The following DAB1 variants were observed in gnomAD, a reference collection of about 807,000 sequenced individuals.
DAB1 encodes the protein disabled homolog 1.
A neutral mutation model predicts 64.6 loss-of-function variants in DAB1; 15 were observed. The observed-to-expected ratio is 0.23, with a 90% CI of 0.16 to 0.36. The LOEUF (loss-of-function observed/expected upper bound fraction) is 0.36, where lower values mean the gene tolerates loss of function less well. DAB1 is among the 10% of genes least tolerant of loss of function. DAB1 has a pLI of 1.00. For missense variants in DAB1, 596 were observed against 706.7 expected (o/e 0.84, Z 1.78); for synonymous variants, 235 against 251.9 (o/e 0.93, Z 0.64).
intron 14 of DAB1, among the ~76,000 whole-genome samples, chr1:57,009,620 G>T (rs758106275): frequency 1.3e-5 from 2 of 152,128 alleles, no homozygotes; most frequent in Non-Finnish European, 2.9e-5. Context: ...TAATGGTTTT[G>T]ACCATGCTGT....
intron 1 of DAB1, among the ~76,000 whole-genome samples, chr1:57,387,955 A>C (rs567736578): frequency 1.3e-5 from 2 of 150,228 alleles, no homozygotes; most frequent in African/African-American, 5.0e-5. Context: ...TCTATCTGCT[A>C]CATGCCCCTC....
chr1:57,461,773 A>G (rs1686787289), intron 7 of DAB1, among the ~76,000 whole-genome samples: 1 of 151,914 alleles, frequency 6.6e-6, no homozygotes, highest in Non-Finnish European at 1.5e-5. Context: ...TGTCGTAATT[A>G]TCTGTTAGGT....
chr1:57,654,657 AT>A (rs1162812766), intron 6 of DAB1, among the ~76,000 whole-genome samples: 1 of 152,000 alleles, frequency 6.6e-6, no homozygotes, highest in East Asian at 1.9e-4. Flanking sequence ...CTCTTCTCTC[AT>A]TTTTTCTTAA....
intron 4 of DAB1, among the ~76,000 whole-genome samples, chr1:58,260,961 T>C (rs2100417206): frequency 6.6e-6 from 1 of 152,314 alleles, no homozygotes. Context: ...TTCTCCAAAC[T>C]GGGAGTAGAG....
Position 57,439,418 on chromosome 1 carries a change from G to GTTTTTTTTTTTTGTTTTTTTTTGTTTTTT in DAB1, n.626-148253_626-148252insAAAAAACAAAAAAAAACAAAAAAAAAAAA. 4.0e-4 allele frequency among the ~76,000 whole-genome samples: 47 copies of GTTTTTTTTTTTTGTTTTTTTTTGTTTTTT among 116,162 alleles called. 4 individuals carry two copies. In the East Asian group the frequency reaches 8.8e-3, roughly 22 times the overall value. The allele number at this position is 116,162 out of a possible 152,430, so 76.2% of individuals were successfully genotyped here. A position where few individuals can be genotyped will look rare whatever the true frequency, so the allele number is the denominator to read the frequency against. On this transcript the variant is annotated intron_variant and non_coding_transcript_variant, in intron 7 of 20. Coordinates refer to the DAB1 transcript ENST00000485760. Reference sequence around the variant, plus strand: ...GCCATGCCATCAACTTGGTGATGAGGTTTTTTCTTTTTTTTTTTTTTTTTT... The same window carrying GTTTTTTTTTTTTGTTTTTTTTTGTTTTTT: ...GCCATGCCATCAACTTGGTGATGAGGTTTTTTTTTTTTGTTTTTTTTTGTTTTTTTTTTTTCTTTTTTTTTTTTTTTTTT...
At chr1:58,345,854 A>C (rs1294471743) in intron 3 of DAB1, among the ~76,000 whole-genome samples, 2 of 151,904 alleles carry the variant, frequency 1.3e-5, no homozygotes, top group Non-Finnish European at 2.9e-5. Flanking sequence ...TTCACCTCTG[A>C]CCTTAGGCTT....
At chr1:57,459,069 CTT>C (rs920237664) in intron 7 of DAB1, among the ~76,000 whole-genome samples, 1 of 151,990 alleles carries the variant, frequency 6.6e-6, no homozygotes, top group Non-Finnish European at 1.5e-5. Context: ...AAATTATAAA[CTT>C]AATTTTTCTA....
At chr1:58,470,590 G>A (rs1645346746) in intron 3 of DAB1, among the ~76,000 whole-genome samples, 1 of 152,176 alleles carries the variant, frequency 6.6e-6, no homozygotes, top group South Asian at 2.1e-4. Context: ...GATGTCTGAA[G>A]CACTGTCTCA....
At chr1:57,695,365 A>G (rs1179120695) in intron 6 of DAB1, among the ~76,000 whole-genome samples, 25 of 36,930 alleles carry the variant, frequency 6.8e-4, no homozygotes, top group African/African-American at 4.4e-3. Context: ...AAGAAAGAAG[A>G]AAGAAAGAAA....
intron 1 of DAB1, among the ~76,000 whole-genome samples, chr1:57,394,223 G>A (rs936773924): frequency 1.1e-4 from 17 of 152,318 alleles, no homozygotes; most frequent in Admixed American, 9.8e-4. Context: ...GTTGAAGTAC[G>A]TTCCCCTTCT....
intron 4 of DAB1, among the ~76,000 whole-genome samples, chr1:58,174,995 A>C (rs912049666): frequency 2.6e-5 from 4 of 152,228 alleles, no homozygotes; most frequent in African/African-American, 9.6e-5. Context: ...ACCAATCAGC[A>C]GGATGTGAGT....
chr1:58,062,905 G>A (rs1570299677), intron 5 of DAB1, among the ~76,000 whole-genome samples: 1 of 152,338 alleles, frequency 6.6e-6, no homozygotes, highest in Non-Finnish European at 1.5e-5. Flanking sequence ...ATGACTGATA[G>A]AGCTGAAAAG....
chr1:57,856,489 G>A lies in DAB1; in HGVS notation n.87+27510C>T, dbSNP rs947762769. ...ATAAAAAGTGATGATTGTGCCAGGC[G>A]CAGTGGCTCACACCTGTAATCCCAG... On this transcript the variant is annotated intron_variant and non_coding_transcript_variant, in intron 1 of 1. Transcript: ENST00000477280. Among the ~76,000 whole-genome samples, 8 of 152,144 alleles carry A rather than the reference G, an allele frequency of 5.3e-5. No individual in the cohort carries two copies. The South Asian group carries it at 6.2e-4, about 12-fold the overall frequency.
intron 5 of DAB1, among the ~76,000 whole-genome samples, chr1:57,947,590 A>G (rs1335758101): frequency 2.0e-5 from 3 of 152,180 alleles, no homozygotes; most frequent in African/African-American, 4.8e-5. Context: ...TCTCTCCCAC[A>G]TGACAAACAC....
intron 4 of DAB1, among the ~76,000 whole-genome samples, chr1:58,298,627 GCACA>G (rs1233232424): frequency 6.6e-6 from 1 of 152,232 alleles, no homozygotes; most frequent in African/African-American, 2.4e-5. Flanking sequence ...ATTTGTCACT[GCACA>G]CATGCTGGAG....
chr1:57,682,433 A>G (rs1646646917), intron 6 of DAB1, among the ~76,000 whole-genome samples: 1 of 150,496 alleles, frequency 6.6e-6, no homozygotes, highest in Non-Finnish European at 1.5e-5. Flanking sequence ...AGAACAAATT[A>G]TGGAATAAAC....
intron 1 of DAB1, among the ~76,000 whole-genome samples, chr1:57,833,420 G>C (rs969492663): frequency 1.3e-5 from 2 of 152,132 alleles, no homozygotes; most frequent in Admixed American, 6.5e-5. Flanking sequence ...CTATAAAAAA[G>C]AAAGCTCACA....
intron 6 of DAB1, among the ~76,000 whole-genome samples, chr1:57,790,377 C>T (rs1650537764): frequency 1.3e-5 from 2 of 152,174 alleles, no homozygotes; most frequent in South Asian, 4.1e-4. Context: ...TTTGCTTCCC[C>T]TTGCACCATG....
chr1:57,663,834 C>T (rs903037939), intron 6 of DAB1, among the ~76,000 whole-genome samples: 1 of 152,104 alleles, frequency 6.6e-6, no homozygotes, highest in Non-Finnish European at 1.5e-5. Context: ...TAAACAGGAA[C>T]TGAGAGAGAC....
Sources: allele counts gnomAD v4.1 joint callset (sites outside exome capture counted in the v4.1 genomes callset), GRCh38; gene constraint gnomAD v4.1.1; transcripts MANE v1.5; gene names NCBI Gene and HGNC (gene_info 2026-07-23, HGNC 2026-07-21).